Variants in CRYBG1 observed in about 807,000 individuals in gnomAD.
CRYBG1 encodes beta/gamma crystallin domain-containing protein 1.
Under a neutral mutation model 189.2 loss-of-function variants are expected in CRYBG1, and 139 were observed. That is an observed-to-expected ratio of 0.73 (90% confidence interval 0.64 to 0.85). The LOEUF (loss-of-function observed/expected upper bound fraction) is 0.85, where lower values mean the gene tolerates loss of function less well. Among genes scored for constraint, CRYBG1 ranks in the 40% least tolerant of loss-of-function variants. The pLI is 0.00. For synonymous variants in CRYBG1, 1,023 were observed against 1,017.1 expected (o/e 1.01, Z -0.11); for missense variants, 2,611 against 2,675.8 (o/e 0.98, Z 0.53).
At chr6:106,478,067 G>A (rs918325424) in intron 2 of CRYBG1, among the ~76,000 whole-genome samples, 14 of 152,212 alleles carry the variant, frequency 9.2e-5, no homozygotes, top group African/African-American at 3.4e-4. Context: ...CCCTAAGCTG[G>A]GATGTGAGTG....
At chr6:106,458,731 C>T (rs972983969) in intron 2 of CRYBG1, among the ~76,000 whole-genome samples, 11 of 152,202 alleles carry the variant, frequency 7.2e-5, no homozygotes, top group South Asian at 6.2e-4. Flanking sequence ...AAGCCTGCTG[C>T]GTGCAGCAGA....
intron 1 of CRYBG1, among the ~76,000 whole-genome samples, chr6:106,368,903 CA>C (rs1447142317): frequency 1.3e-5 from 2 of 151,766 alleles, no homozygotes; most frequent in African/African-American, 4.8e-5. Flanking sequence ...TTCATGTTTT[CA>C]AAAAAAATTT....
intron 1 of CRYBG1, among the ~76,000 whole-genome samples, chr6:106,369,539 A>T (rs558654255): frequency 6.6e-6 from 1 of 152,298 alleles, no homozygotes; most frequent in African/African-American, 2.4e-5. Flanking sequence ...AATTTTTTTC[A>T]AATTTGTTTA....
intron 13 of CRYBG1, among the ~76,000 whole-genome samples, chr6:106,545,752 C>T (rs1774254612): frequency 6.6e-6 from 1 of 152,146 alleles, no homozygotes; most frequent in Non-Finnish European, 1.5e-5. Context: ...AATCTCAGCT[C>T]ACTGCAACCT....
rs1238606245 is a variant in CRYBG1 at position 106,512,374 on chromosome 6, G to A, written c.1257G>A (p.Gly419=). ...MEKRSSGRRS[G]RRRGSQKSTD... is the part of the protein sequence containing the mutation. ...AGAGGTCCAGCGGCCGTAGGTCGGG[G>A]AGGCGGAGGGGGTCGCAGAAATCCA... Residue 419 remains glycine, a synonymous_variant, in exon 3 of 22, where the codon GGG becomes GGA. Transcript: ENST00000633556. 3 of 1,611,298 alleles carry A rather than the reference G, an allele frequency of 1.9e-6. No individual in the cohort carries two copies. The highest frequency in any genetic ancestry group is 1.7e-5 in the Admixed American group (1 of 59,866).
intron 2 of CRYBG1, among the ~76,000 whole-genome samples, chr6:106,495,932 A>T (rs1772840860): frequency 6.6e-6 from 1 of 150,830 alleles, no homozygotes. Flanking sequence ...CTTTGAGAGT[A>T]AGGATTGATT....
At chr6:106,428,637 A>G (rs1246669456) in intron 1 of CRYBG1, among the ~76,000 whole-genome samples, 1 of 152,210 alleles carries the variant, frequency 6.6e-6, no homozygotes, top group African/African-American at 2.4e-5. Context: ...AGTCAGAGAG[A>G]GAAAGTATCT....
chr6:106,543,771 GCTGGGTGTGGTGGCTCACAC>G (rs1321704947), intron 11 of CRYBG1, among the ~76,000 whole-genome samples, 174 bp downstream of exon 11: 1 of 152,166 alleles, frequency 6.6e-6, no homozygotes, highest in Non-Finnish European at 1.5e-5. Context: ...GCAGTTTGAG[GCTGGGTGTGGTGGCTCACAC>G]CTGTAATCCC....
chr6:106,392,684 T>C (rs965169781), intron 1 of CRYBG1, among the ~76,000 whole-genome samples: 1 of 152,216 alleles, frequency 6.6e-6, no homozygotes, highest in East Asian at 1.9e-4. Flanking sequence ...ATTATGACAA[T>C]GAGATCTTCC....
In CRYBG1 at chr6:106,512,810, C is replaced by T. The variant is rs748642878; in HGVS notation, c.1693C>T (p.Arg565Trp). The T allele has an allele frequency of 7.0e-6, 11 of 1,574,368 alleles. No homozygotes were observed. In the Admixed American group the frequency reaches 1.8e-4, roughly 26 times the overall value. ...TAAESGEEAA[R>W]AIPRELPVKS... ...GGCCGAGAGCGGGGAGGAGGCGGCG[C>T]GGGCCATCCCCCGCGAGCTCCCGGT... The change falls in exon 3 of 22, where the codon CGG (arginine) becomes TGG (tryptophan). Residue 565 changes from arginine to tryptophan, a missense_variant. Transcript: ENST00000633556.
chr6:106,368,089 T>G (rs1258432915), intron 1 of CRYBG1, among the ~76,000 whole-genome samples: 1 of 151,948 alleles, frequency 6.6e-6, no homozygotes, highest in Non-Finnish European at 1.5e-5. Context: ...TAATAGTCAT[T>G]CAAAATACAT....
At position 106,427,551 on chromosome 6, in the gene CRYBG1, A is replaced by C. The variant is rs150838285; in HGVS notation, c.174-24143A>C. 1.4e-3 allele frequency among the ~76,000 whole-genome samples: 212 copies of C among 152,192 alleles called. 2 individuals carry two copies. Among genetic ancestry groups the C allele is most frequent in the African/African-American group, 4.7e-3 (195 of 41,512 alleles). ...TTCCCAGCTGCTATCATCTTAGTCC[A>C]TTCTTCTGTGATGTCTAGCTTGGAT... On this transcript the variant is annotated intron_variant, in intron 1 of 21. Transcript: ENST00000633556.
chr6:106,389,157 T>A (rs927536548), intron 1 of CRYBG1, among the ~76,000 whole-genome samples: 1 of 152,176 alleles, frequency 6.6e-6, no homozygotes, highest in Non-Finnish European at 1.5e-5. Context: ...AATCTTTTTT[T>A]TAGATTAAAA....
chr6:106,363,142 G>C (rs1223980561), intron 1 of CRYBG1, among the ~76,000 whole-genome samples: 1 of 150,032 alleles, frequency 6.7e-6, no homozygotes, highest in Non-Finnish European at 1.5e-5. Context: ...TACACGGGAG[G>C]CTGAGGCAGG....
At chr6:106,503,960 A>T (rs1218145598) in intron 2 of CRYBG1, among the ~76,000 whole-genome samples, 4 of 146,220 alleles carry the variant, frequency 2.7e-5, no homozygotes, top group African/African-American at 1.0e-4. Flanking sequence ...CTATTCTTTC[A>T]CCCAATAGTA....
At chr6:106,416,882 AT>A (rs770708992) in intron 1 of CRYBG1, among the ~76,000 whole-genome samples, 75 of 151,562 alleles carry the variant, frequency 4.9e-4, no homozygotes, top group Non-Finnish European at 3.1e-4. Flanking sequence ...AAAATATGTT[AT>A]CTCTAGGTGT....
chr6:106,484,467 GC>G (rs55661231), intron 2 of CRYBG1, among the ~76,000 whole-genome samples: 152,228 of 152,230 alleles, frequency 1, 76,113 homozygotes, highest in Non-Finnish European at 1. Flanking sequence ...ATAGGCATGT[GC>G]CCACCCACAC....
intron 2 of CRYBG1, among the ~76,000 whole-genome samples, chr6:106,490,063 G>A (rs1168898265): frequency 6.6e-6 from 1 of 152,212 alleles, no homozygotes; most frequent in African/African-American, 2.4e-5. Flanking sequence ...GGCATGAAAA[G>A]CCAACCAAAG....
chr6:106,385,435 G>A (rs1339231049), intron 1 of CRYBG1, among the ~76,000 whole-genome samples: 1 of 152,206 alleles, frequency 6.6e-6, no homozygotes, highest in Non-Finnish European at 1.5e-5. Flanking sequence ...GACCTGAGCA[G>A]TGAAGCCAGA....
Sources: gnomAD v4.1 joint callset for allele counts (sites outside exome capture counted in the v4.1 genomes callset) on GRCh38, gnomAD v4.1.1 for gene constraint, MANE v1.5 for transcripts, NCBI Gene and HGNC (gene_info 2026-07-23, HGNC 2026-07-21) for gene names.